The following LAMA1 variants were observed in gnomAD, a reference collection of about 807,000 sequenced individuals.
LAMA1 encodes the protein laminin subunit alpha-1.
A neutral mutation model predicts 348.7 loss-of-function variants in LAMA1; 219 were observed. The ratio of observed to expected loss-of-function variants is 0.63; its 90% CI spans 0.56 to 0.70. LAMA1 has a LOEUF of 0.70. Among genes scored for constraint, LAMA1 ranks in the 30% least tolerant of loss-of-function variants. The probability of loss-of-function intolerance (pLI) is 0.00; values close to 1 mark genes in which losing one functional copy is unlikely to be tolerated. For synonymous variants in LAMA1, 1,487 were observed against 1,491.0 expected (o/e 1.00, Z 0.06); for missense variants, 3,744 against 3,888.0 (o/e 0.96, Z 0.99).
Position 6,947,263 on chromosome 18 carries a change from T to C in LAMA1, c.8744A>G (p.Asn2915Ser). Residue 2915 changes from asparagine to serine, a missense_variant, in exon 61 of 63, where the codon AAC (asparagine) becomes AGC (serine). This residue lies in a region of LAMA1 where 232 missense variants were observed against 264.4 expected (regional missense o/e 0.88). Coordinates refer to ENST00000389658, the MANE Select transcript of LAMA1 (RefSeq NM_005559.4). ...GGAGGTTCGAAACTCCAGTGTGATGTTCACATCTGACTGGACTTTGTAGCC... is the reference window on the plus strand; with the variant it reads ...GGAGGTTCGAAACTCCAGTGTGATGCTCACATCTGACTGGACTTTGTAGCC... ...KEGYKVQSDV[N>S]ITLEFRTSSQ... The C allele has an allele frequency of 1.2e-6, 2 of 1,614,052 alleles. No individual in the cohort carries two copies. Among genetic ancestry groups the C allele is most frequent in the Non-Finnish European group, 1.7e-6 (2 of 1,180,036 alleles).
At chr18:7,047,261 T>G (rs536821781) in intron 5 of LAMA1, among the ~76,000 whole-genome samples, 70 of 152,266 alleles carry the variant, frequency 4.6e-4, no homozygotes, top group Middle Eastern at 3.4e-3. Context: ...GCCAGGATGG[T>G]CTTGATCTCC....
At chr18:6,974,076 C>T (rs1030538437) in intron 46 of LAMA1, among the ~76,000 whole-genome samples, 2 of 152,122 alleles carry the variant, frequency 1.3e-5, no homozygotes, top group African/African-American at 4.8e-5. Flanking sequence ...AGCCACCATG[C>T]CTGGTCTCCA....
intron 1 of LAMA1, among the ~76,000 whole-genome samples, chr18:7,102,762 A>G (rs2058296587): frequency 6.6e-6 from 1 of 152,196 alleles, no homozygotes; most frequent in African/African-American, 2.4e-5. Context: ...GGCACTTTCT[A>G]GATACTCAAC....
chr18:7,108,266 G>A (rs62083504), intron 1 of LAMA1, among the ~76,000 whole-genome samples: 35,722 of 151,744 alleles, frequency 0.24, 4,663 homozygotes, highest in East Asian at 0.55. Context: ...AACCTGGGAG[G>A]CAGAGGTTTC....
intron 21 of LAMA1, 46 bp from the exon 22 acceptor site, chr18:7,015,904 TA>T: frequency 6.2e-7 from 1 of 1,610,560 alleles, no homozygotes; most frequent in East Asian, 2.2e-5. Context: ...GTGATGTCAT[TA>T]AAGGGCTAAG....
chr18:7,053,449 T>C (rs1400785631), intron 3 of LAMA1, among the ~76,000 whole-genome samples: 1 of 152,142 alleles, frequency 6.6e-6, no homozygotes, highest in Non-Finnish European at 1.5e-5. Context: ...GTGAGGAGTA[T>C]GGAACTTCGT....
chr18:6,943,097 T>A, intron 62 of LAMA1, 83 bp downstream of exon 62: 1 of 1,167,318 alleles, frequency 8.6e-7, no homozygotes. Context: ...CCTTTCTCAA[T>A]CCCTATTCTA....
rs79014108 is a variant in LAMA1, at chr18:7,037,203, C to T, written c.1737+375G>A. ...CCTGGGTTGTTTCTTGTATGCCAGG[C>T]CCTCCACTAAGCCATGGAGGCTCTA... On this transcript the variant is annotated intron_variant, in intron 12 of 62. Coordinates refer to ENST00000389658, the MANE Select transcript of LAMA1 (RefSeq NM_005559.4). Among the ~76,000 whole-genome samples, 377 of 152,238 alleles carry T rather than the reference C, an allele frequency of 2.5e-3. 1 individual carries two copies. The highest frequency in any genetic ancestry group is 8.6e-3 in the African/African-American group (358 of 41,532).
chr18:6,965,549 C>G (rs530832150), intron 49 of LAMA1, 117 bp from the exon 50 acceptor site: 3 of 1,212,432 alleles, frequency 2.5e-6, no homozygotes, highest in Non-Finnish European at 3.6e-6. Context: ...TGGATCTGGC[C>G]CCACAGCCAG....
At chr18:7,106,716 A>G (rs1237012793) in intron 1 of LAMA1, among the ~76,000 whole-genome samples, 1 of 152,032 alleles carries the variant, frequency 6.6e-6, no homozygotes, top group Non-Finnish European at 1.5e-5. Flanking sequence ...GACACACTAT[A>G]ATCCCTGGGA....
intron 32 of LAMA1, among the ~76,000 whole-genome samples, chr18:6,998,149 C>T (rs1489333886): frequency 6.6e-6 from 1 of 152,140 alleles, no homozygotes; most frequent in Non-Finnish European, 1.5e-5. Context: ...AAAGAAACAG[C>T]TGAGGCCAAG....
At chr18:7,077,584 C>T (rs2058174662) in intron 3 of LAMA1, among the ~76,000 whole-genome samples, 2 of 152,012 alleles carry the variant, frequency 1.3e-5, no homozygotes, top group Admixed American at 1.3e-4. Flanking sequence ...TAACTTAGTC[C>T]ATCCCTTCAG....
rs1298181442 is a variant in LAMA1, at chr18:7,042,010, C to T, written c.1261+135G>A. On this transcript the variant is annotated intron_variant, in intron 9 of 62. Transcript: ENST00000389658. ...AAAACTGCCTGACACATAGTAGGTG[C>T]TTGATACGTACTTGGTGAACAAAAG... is the stretch of plus-strand genomic sequence containing the variant. The T allele has an allele frequency of 1.6e-5, 11 of 705,104 alleles. No individual in the cohort carries two copies. The East Asian group carries it at 1.7e-4, about 11-fold the overall frequency. The allele number at this position is 705,104 out of a possible 1,614,324, so 43.7% of individuals were successfully genotyped here. A position where few individuals can be genotyped will look rare whatever the true frequency, so the allele number is the denominator to read the frequency against.
chr18:7,056,340 C>T lies in LAMA1; in HGVS notation c.346-5404G>A, dbSNP rs181098174. Among the ~76,000 whole-genome samples the T allele has an allele frequency of 1.3e-4, 20 of 152,306 alleles. No homozygotes were observed. In the East Asian group the frequency reaches 3.9e-3, roughly 29 times the overall value. On this transcript the variant is annotated intron_variant, in intron 3 of 62. Transcript: ENST00000389658. ...GAGAAGGCAAGGTCATTTACAAAGA[C>T]ATCTGAAACAGAATGTAATTACTTT... is the stretch of plus-strand genomic sequence containing the variant.
chr18:7,091,494 C>G (rs2058239727), intron 1 of LAMA1, among the ~76,000 whole-genome samples: 1 of 152,234 alleles, frequency 6.6e-6, no homozygotes, highest in Admixed American at 6.5e-5. Flanking sequence ...AGCCCAAACA[C>G]TTCCAAAGGC....
At chr18:7,026,363 T>C (rs615633) in intron 16 of LAMA1, among the ~76,000 whole-genome samples, 1 of 152,328 alleles carries the variant, frequency 6.6e-6, no homozygotes, top group African/African-American at 2.4e-5. Flanking sequence ...ATCAAGCTTT[T>C]GCAAACATGA....
chr18:7,064,257 A>G (rs1338787910), intron 3 of LAMA1, among the ~76,000 whole-genome samples: 2 of 151,740 alleles, frequency 1.3e-5, no homozygotes, highest in Admixed American at 1.3e-4. Context: ...TATGATATGC[A>G]TATTTTATAA....
In LAMA1 at chr18:7,017,364, C is replaced by G; in HGVS notation, c.2722G>C (p.Gly908Arg). ...AGATGGCACACGGCAGAATGGGAGC[C>G]TTTCACATGGCATTCACAGGCTAAA... Reference protein sequence around the residue: ...NCRACECHVKGSHSAVCHLET... With the variant: ...NCRACECHVKRSHSAVCHLET... The change falls in exon 20 of 63, where the codon GGC (glycine) becomes CGC (arginine). Residue 908 changes from glycine (G) to arginine (R), a missense_variant. Around this residue, in one of 3 missense-constraint regions of LAMA1, gnomAD observed 1,529 missense variants for 1,689.4 expected, o/e 0.91. Transcript: ENST00000389658. 6.2e-7 allele frequency: 1 copy of G among 1,613,902 alleles called. No homozygotes were observed. The highest frequency in any genetic ancestry group is 8.5e-7 in the Non-Finnish European group (1 of 1,179,960).
rs550474749 is a variant in LAMA1 at position 7,040,136 on chromosome 18, A to G, written c.1362T>C (p.Cys454=). The G allele has an allele frequency of 3.5e-5, 56 of 1,614,138 alleles. No individual in the cohort carries two copies. In the South Asian group the frequency reaches 5.7e-4, roughly 16 times the overall value. ...TGGCACTGCCCACTGGGTTGCACCC[A>G]CAGGAGACACAGGTCGGGTAATCCT... is the stretch of plus-strand genomic sequence containing the variant. ...GYKDYPTCVS[C]GCNPVGSASD... is the part of the protein sequence containing the mutation. Residue 454 remains cysteine (C), a synonymous_variant, in exon 10 of 63, where the codon TGT becomes TGC. Coordinates refer to ENST00000389658, the MANE Select transcript of LAMA1 (RefSeq NM_005559.4).
Sources: gnomAD v4.1 joint callset for allele counts (sites outside exome capture counted in the v4.1 genomes callset) on GRCh38, gnomAD v4.1.1 for gene constraint, gnomAD v4.1.1 regional missense constraint, MANE v1.5 for transcripts, NCBI Gene and HGNC (gene_info 2026-07-23, HGNC 2026-07-21) for gene names.